C1QTNF3: variants seen among roughly 807,000 people sequenced by gnomAD.
C1QTNF3 encodes the protein complement C1q tumor necrosis factor-related protein 3.
A neutral mutation model predicts 32.6 loss-of-function variants in C1QTNF3; 26 were observed. The observed-to-expected ratio is 0.80, with a 90% CI of 0.58 to 1.11. The LOEUF (loss-of-function observed/expected upper bound fraction) is 1.11, where lower values mean the gene tolerates loss of function less well. Among genes scored for constraint, C1QTNF3 ranks in the 50% least tolerant of loss-of-function variants. C1QTNF3 has a pLI of 0.00. For missense variants in C1QTNF3, 362 were observed against 398.2 expected (o/e 0.91, Z 0.77); for synonymous variants, 155 against 146.0 (o/e 1.06, Z -0.44).
At chr5:34,092,107 TACTC>T in the C1QTNF3 span, among the ~76,000 whole-genome samples, 3 of 151,772 alleles carry the variant, frequency 2.0e-5, no homozygotes, top group Non-Finnish European at 4.4e-5. Context: ...TCATAATCGT[TACTC>T]AATAATTGCT....
the C1QTNF3 span, among the ~76,000 whole-genome samples, chr5:34,059,499 A>T: frequency 6.6e-6 from 1 of 152,172 alleles, no homozygotes; most frequent in African/African-American, 2.4e-5. Flanking sequence ...TCAGTATCTG[A>T]CGAAGGCCTG....
chr5:34,034,799 A>G (rs907052976), intron 2 of C1QTNF3, among the ~76,000 whole-genome samples: 8 of 152,192 alleles, frequency 5.3e-5, no homozygotes, highest in South Asian at 2.1e-4. Context: ...TTGATGGCCA[A>G]TGACATAGAT....
At chr5:34,057,881 T>A in the C1QTNF3 span, among the ~76,000 whole-genome samples, 31 of 152,308 alleles carry the variant, frequency 2.0e-4, no homozygotes, top group East Asian at 5.4e-3. Context: ...AACATATTTC[T>A]TACCATTGTA....
the C1QTNF3 span, among the ~76,000 whole-genome samples, chr5:34,195,685 C>G: frequency 1.3e-5 from 2 of 152,236 alleles, no homozygotes; most frequent in African/African-American, 4.8e-5. Flanking sequence ...ACTAAAAATA[C>G]AAAAAATTAG....
the C1QTNF3 span, among the ~76,000 whole-genome samples, chr5:34,085,144 C>G: frequency 6.7e-6 from 1 of 149,718 alleles, no homozygotes; most frequent in Non-Finnish European, 1.5e-5. Flanking sequence ...GCGCCTGCCA[C>G]TACGCCCGGC....
the C1QTNF3 span, among the ~76,000 whole-genome samples, chr5:34,102,847 G>T: frequency 6.6e-6 from 1 of 152,260 alleles, no homozygotes; most frequent in African/African-American, 2.4e-5. Context: ...GTGGGGGCTG[G>T]GGGAGGGATA....
At chr5:34,090,100 A>T in the C1QTNF3 span, among the ~76,000 whole-genome samples, 7 of 152,156 alleles carry the variant, frequency 4.6e-5, no homozygotes, top group African/African-American at 1.4e-4. Flanking sequence ...GAAATGGGAA[A>T]ACAAAAAATG....
chr5:34,187,756 G>A, the C1QTNF3 span, among the ~76,000 whole-genome samples: 9 of 152,370 alleles, frequency 5.9e-5, no homozygotes, highest in African/African-American at 2.2e-4. Flanking sequence ...CAAAGCATTC[G>A]AGAAGAAGCA....
the C1QTNF3 span, among the ~76,000 whole-genome samples, chr5:34,155,741 A>G: frequency 6.6e-6 from 1 of 152,304 alleles, no homozygotes; most frequent in East Asian, 1.9e-4. Flanking sequence ...TTTAATCAAC[A>G]AATTATTCAA....
At chr5:34,071,457 C>A in the C1QTNF3 span, among the ~76,000 whole-genome samples, 6 of 151,884 alleles carry the variant, frequency 4.0e-5, no homozygotes, top group African/African-American at 1.5e-4. Context: ...CCATAAACAA[C>A]CTTGGATTTC....
At chr5:34,056,475 TATATAGAGAGAGAGAGAGAG>T in the C1QTNF3 span, among the ~76,000 whole-genome samples, 26 of 101,280 alleles carry the variant, frequency 2.6e-4, 1 homozygote, top group East Asian at 9.3e-4. Flanking sequence ...TATATATATA[TATATAGAGAGAGAGAGAGAG>T]AGAGAGAGAG....
chr5:34,142,739 C>T, the C1QTNF3 span, among the ~76,000 whole-genome samples: 56 of 152,318 alleles, frequency 3.7e-4, no homozygotes, highest in South Asian at 7.9e-3. Context: ...AGACCTTGTA[C>T]GGAGGTCTGG....
chr5:34,142,884 T>C, the C1QTNF3 span, among the ~76,000 whole-genome samples: 2 of 152,334 alleles, frequency 1.3e-5, no homozygotes, highest in Non-Finnish European at 2.9e-5. Flanking sequence ...GAGTGTGTAC[T>C]TACTTCCAAA....
the C1QTNF3 span, among the ~76,000 whole-genome samples, chr5:34,114,712 C>T: frequency 1.3e-5 from 2 of 152,056 alleles, no homozygotes; most frequent in Admixed American, 6.5e-5. Flanking sequence ...TTAATATGTA[C>T]ACTTGACTAA....
At position 34,018,854 on chromosome 5, in the gene C1QTNF3, C is replaced by A. The variant is rs111552795; in HGVS notation, c.*1729G>T. ...AAGATTTAGAATTTGCGGCTGGGTGCGGGGGCTCACGCCTGTAATCCCAGC... is the reference window on the plus strand; with the variant it reads ...AAGATTTAGAATTTGCGGCTGGGTGAGGGGGCTCACGCCTGTAATCCCAGC... On this transcript the variant is annotated 3_prime_UTR_variant, in exon 6 of 6. Transcript: ENST00000382065. 2.0e-5 allele frequency among the ~76,000 whole-genome samples: 3 copies of A among 152,132 alleles called. No homozygotes were observed. Among genetic ancestry groups the A allele is most frequent in the Non-Finnish European group, 4.4e-5 (3 of 68,026 alleles).
In C1QTNF3 at chr5:34,043,052, T is replaced by C. The variant is rs762830778; in HGVS notation, c.74A>G (p.Glu25Gly). 19 of 1,614,080 alleles carry C rather than the reference T, an allele frequency of 1.2e-5. No homozygotes were observed. The highest frequency in any genetic ancestry group is 1.6e-5 in the Non-Finnish European group (19 of 1,180,016). ...AGTTCTTCCGCTCACCTCCATGTAT[T>C]CATCTTGACACAGGCAAAAAGGGAG... The part of the protein sequence containing the change: ...FFLPFCLCQD[E>G]YMEVSGRTNK... The change falls in exon 1 of 6, where the codon GAA becomes GGA. Residue 25 changes from glutamate to glycine, a missense_variant. Coordinates refer to ENST00000382065, the MANE Select transcript of C1QTNF3 (RefSeq NM_181435.6).
the C1QTNF3 span, among the ~76,000 whole-genome samples, chr5:34,224,377 C>A: frequency 6.6e-6 from 1 of 152,192 alleles, no homozygotes; most frequent in African/African-American, 2.4e-5. Context: ...AAGCTGGAGG[C>A]ATCACGCTAC....
At chr5:34,218,226 T>C in the C1QTNF3 span, 7 of 152,400 alleles carry the variant, frequency 4.6e-5, no homozygotes, top group Non-Finnish European at 7.4e-5. Flanking sequence ...CCTTCAATGT[T>C]AGAATCAATA....
chr5:34,116,281 C>T, the C1QTNF3 span, among the ~76,000 whole-genome samples: 2 of 152,022 alleles, frequency 1.3e-5, no homozygotes, highest in South Asian at 2.1e-4. Flanking sequence ...AAATGTTCCA[C>T]GTGCACTTTA....
Sources: allele counts gnomAD v4.1 joint callset (sites outside exome capture counted in the v4.1 genomes callset), GRCh38; gene constraint gnomAD v4.1.1; transcripts MANE v1.5; gene names NCBI Gene and HGNC (gene_info 2026-07-23, HGNC 2026-07-21).